Variants in SMAD6 observed in about 807,000 individuals in gnomAD.
The protein encoded by SMAD6 is MAD homolog 6.
SMAD6 carries 103 observed loss-of-function variants against 39.4 expected under a neutral mutation model. That is an observed-to-expected ratio of 2.62 (90% CI 2.23 to 3.08). SMAD6 has a LOEUF of 3.08. SMAD6 is among the 30% of genes most tolerant of loss of function. SMAD6 has a pLI of 0.00. For synonymous variants in SMAD6, 445 were observed against 353.3 expected (o/e 1.26, Z -2.91); for missense variants, 1,104 against 742.9 (o/e 1.49, Z -5.65).
Position 66,702,853 on chromosome 15 carries a change from T to G in SMAD6, c.-406T>G. ...GTAAAGGCAGGGCTTTCCAGACACA[T>G]TTAGGGGTTCGCGCGAGCGCTTTGT... On this transcript the variant is annotated 5_prime_UTR_variant, in exon 1 of 4. Coordinates refer to ENST00000288840, the MANE Select transcript of SMAD6 (RefSeq NM_005585.5). The G allele has an allele frequency of 2.6e-4, 44 of 167,656 alleles. No homozygotes were observed. The highest frequency in any genetic ancestry group is 9.6e-4 in the East Asian group (6 of 6,232). The allele number at this position is 167,656 out of a possible 1,614,324, so 10.4% of individuals were successfully genotyped here.
chr15:66,743,261 GTTA>G (rs562534564), intron 3 of SMAD6, among the ~76,000 whole-genome samples: 4 of 152,148 alleles, frequency 2.6e-5, no homozygotes, highest in African/African-American at 4.8e-5. Flanking sequence ...GGGCTGGGTA[GTTA>G]TCTCCCAGGG....
rs1039967040 is a variant in SMAD6 at position 66,719,140 on chromosome 15, C to T, written c.952+2642C>T. On this transcript the variant is annotated intron_variant, in intron 3 of 3. Coordinates refer to ENST00000288840, the MANE Select transcript of SMAD6 (RefSeq NM_005585.5). ...CATTTCATAGAGGAGGAAACTGAGG[C>T]TCATTGCTGGGCCAACTGCCCATAA... 3.3e-5 allele frequency among the ~76,000 whole-genome samples: 5 copies of T among 152,214 alleles called. No homozygotes were observed. The South Asian group carries it at 1.0e-3, about 31-fold the overall frequency.
chr15:66,717,085 A>G, intron 3 of SMAD6: 1 of 1,289,010 alleles, frequency 7.8e-7, no homozygotes, highest in South Asian at 1.2e-5. Flanking sequence ...AGCTGGTCAT[A>G]GGGACCCCTA....
At position 66,747,681 on chromosome 15, in the gene SMAD6, A is replaced by G. The variant is rs928275237; in HGVS notation, c.952+31183A>G. 1.8e-4 allele frequency among the ~76,000 whole-genome samples: 28 copies of G among 152,352 alleles called. No homozygotes were observed. The highest frequency in any genetic ancestry group is 6.3e-4 in the African/African-American group (26 of 41,582). On this transcript the variant is annotated intron_variant, in intron 3 of 3. Transcript: ENST00000288840. This position sits in a 1 kb window ranked among gnomAD's most constrained non-coding sequence, Gnocchi z 4.5. ...CCCTTAGTCATACCTACCTAGGATA[A>G]TTGGAAAATGAGGAGTGTAAATTTG...
At chr15:66,713,415 G>C (rs1003195215) in intron 2 of SMAD6, among the ~76,000 whole-genome samples, 3 of 152,202 alleles carry the variant, frequency 2.0e-5, no homozygotes, top group Admixed American at 1.3e-4. Context: ...CGCATCCCGG[G>C]TTCAAGCGAT....
intron 3 of SMAD6, among the ~76,000 whole-genome samples, chr15:66,736,616 G>C (rs1040702866): frequency 6.6e-6 from 1 of 151,808 alleles, no homozygotes; most frequent in Non-Finnish European, 1.5e-5. Flanking sequence ...CTCCACCCCA[G>C]ACCAGTTACA....
chr15:66,736,475 C>G (rs1567102656), intron 3 of SMAD6, among the ~76,000 whole-genome samples: 3 of 152,184 alleles, frequency 2.0e-5, no homozygotes, highest in Admixed American at 2.0e-4. Context: ...ATGTTTTTCA[C>G]CCCTGATGGG....
intron 3 of SMAD6, among the ~76,000 whole-genome samples, chr15:66,757,638 G>A (rs1260414211): frequency 6.6e-6 from 1 of 152,194 alleles, no homozygotes; most frequent in Non-Finnish European, 1.5e-5. Flanking sequence ...GCTTAGCTCT[G>A]ACACTCTGGG....
At chr15:66,713,167 A>G (rs1160752460) in intron 2 of SMAD6, among the ~76,000 whole-genome samples, 2 of 152,216 alleles carry the variant, frequency 1.3e-5, no homozygotes, top group Admixed American at 1.3e-4. Flanking sequence ...TTTGTGACCC[A>G]AGCAGTTCCC....
At chr15:66,720,756 T>C (rs1377172569) in intron 3 of SMAD6, among the ~76,000 whole-genome samples, 1 of 152,156 alleles carries the variant, frequency 6.6e-6, no homozygotes, top group Non-Finnish European at 1.5e-5. Context: ...GGGACGCTTG[T>C]TATGGAACAC....
intron 3 of SMAD6, among the ~76,000 whole-genome samples, chr15:66,777,141 A>G (rs1008482505): frequency 1.3e-5 from 2 of 152,202 alleles, no homozygotes; most frequent in African/African-American, 4.8e-5. Context: ...GTCTCACTGG[A>G]TAAGATAATG....
At chr15:66,777,064 C>CG (rs1212660380) in intron 3 of SMAD6, among the ~76,000 whole-genome samples, 15 of 152,078 alleles carry the variant, frequency 9.9e-5, no homozygotes, top group African/African-American at 3.4e-4. Flanking sequence ...AAGCAGTGGT[C>CG]GCCCTGTGTC....
chr15:66,753,275 G>A (rs138321251), intron 3 of SMAD6, among the ~76,000 whole-genome samples: 41 of 152,296 alleles, frequency 2.7e-4, no homozygotes, highest in Non-Finnish European at 5.1e-4. Context: ...AAGAGGGTGT[G>A]CCCAGGGAGG....
At chr15:66,710,170 GATA>G (rs750987509) in intron 1 of SMAD6, among the ~76,000 whole-genome samples, 1 of 152,184 alleles carries the variant, frequency 6.6e-6, no homozygotes, top group East Asian at 1.9e-4. Flanking sequence ...GTAAAATGGG[GATA>G]ATAATGTCAT....
intron 3 of SMAD6, among the ~76,000 whole-genome samples, chr15:66,719,159 C>G (rs1893386255): frequency 6.6e-6 from 1 of 152,194 alleles, no homozygotes; most frequent in African/African-American, 2.4e-5. Context: ...GGGCCAACTG[C>G]CCATAATGTA....
chr15:66,771,187 G>T (rs1210009210), intron 3 of SMAD6, among the ~76,000 whole-genome samples: 5 of 152,178 alleles, frequency 3.3e-5, no homozygotes, highest in African/African-American at 4.8e-5. Context: ...TTCATCCTCT[G>T]GTGGGTCCCC....
chr15:66,703,872 G>A lies in SMAD6; in HGVS notation c.614G>A (p.Cys205Tyr). The change falls in exon 1 of 4, where the codon TGC becomes TAC. Residue 205 changes from cysteine (C) to tyrosine (Y), a missense_variant. By Grantham distance (194) the Cys-to-Tyr change is radical. Transcript: ENST00000288840. ...TCCCGCGGCGGCGTGCCGGGCGGCT[G>A]CGTGCTGGTGCCGCGCGCCGACCTC... Reference protein sequence around the residue: ...VESRGGVPGGCVLVPRADLRL... With the variant: ...VESRGGVPGGYVLVPRADLRL... The A allele has an allele frequency of 1.5e-6, 2 of 1,319,388 alleles. No individual in the cohort carries two copies. The highest frequency in any genetic ancestry group is 3.4e-5 in the East Asian group (1 of 29,822). 81.7% of individuals were successfully genotyped at this position (1,319,388 alleles called of 1,614,324 possible). A position where few individuals can be genotyped will look rare whatever the true frequency, so the allele number is the denominator to read the frequency against.
At chr15:66,728,811 C>G (rs997923269) in intron 3 of SMAD6, among the ~76,000 whole-genome samples, 4 of 152,194 alleles carry the variant, frequency 2.6e-5, no homozygotes, top group African/African-American at 9.7e-5. Flanking sequence ...CATTCTATTA[C>G]TGATGGTTTC....
intron 3 of SMAD6, among the ~76,000 whole-genome samples, chr15:66,725,948 C>T (rs978447053): frequency 6.6e-6 from 1 of 152,224 alleles, no homozygotes; most frequent in Non-Finnish European, 1.5e-5. Context: ...CACCCCTTCA[C>T]TTACCTTCCT....
Sources: allele counts gnomAD v4.1 joint callset (sites outside exome capture counted in the v4.1 genomes callset), GRCh38; gene constraint gnomAD v4.1.1; non-coding constraint Gnocchi (gnomAD v3.1); transcripts MANE v1.5; gene names NCBI Gene and HGNC (gene_info 2026-07-23, HGNC 2026-07-21).